The following RSF1 variants were observed in gnomAD, a reference collection of about 807,000 sequenced individuals.
The protein encoded by RSF1 is remodeling and spacing factor 1.
A neutral mutation model predicts 145.2 loss-of-function variants in RSF1; 13 were observed. The ratio of observed to expected loss-of-function variants is 0.09; its 90% CI spans 0.06 to 0.14. The LOEUF (loss-of-function observed/expected upper bound fraction) is 0.14, where lower values mean the gene tolerates loss of function less well. Among genes scored for constraint, RSF1 ranks in the 10% least tolerant of loss-of-function variants. The probability of loss-of-function intolerance (pLI) is 1.00; values close to 1 mark genes in which losing one functional copy is unlikely to be tolerated. For synonymous variants in RSF1, 577 were observed against 592.6 expected (o/e 0.97, Z 0.38); for missense variants, 1,517 against 1,718.2 (o/e 0.88, Z 2.07).
the RSF1 span, among the ~76,000 whole-genome samples, chr11:77,861,394 C>T: frequency 6.6e-6 from 1 of 152,166 alleles, no homozygotes; most frequent in African/African-American, 2.4e-5. Context: ...GACAGTTGTC[C>T]AGGACAGGAG....
chr11:77,728,866 T>TAAAA (rs550635070), intron 4 of RSF1, among the ~76,000 whole-genome samples: 380 of 144,046 alleles, frequency 2.6e-3, no homozygotes, highest in African/African-American at 8.7e-3. Flanking sequence ...GCATAACTTG[T>TAAAA]AAAAAAAAAA....
chr11:77,714,708 GGCGCATGCCTGTAGTTCCA>G (rs1425977574), intron 5 of RSF1, among the ~76,000 whole-genome samples: 2 of 152,186 alleles, frequency 1.3e-5, no homozygotes, highest in African/African-American at 4.8e-5. Context: ...TAAGCGCAGT[GGCGCATGCCTGTAGTTCCA>G]GCTACTCAAG....
chr11:77,817,265 A>G (rs1948790525), intron 1 of RSF1, among the ~76,000 whole-genome samples: 1 of 152,232 alleles, frequency 6.6e-6, no homozygotes, highest in Non-Finnish European at 1.5e-5. Flanking sequence ...ATTCTTAACC[A>G]TAATTACTTG....
chr11:77,724,041 G>C (rs1030931123), intron 5 of RSF1, among the ~76,000 whole-genome samples: 1 of 152,010 alleles, frequency 6.6e-6, no homozygotes, highest in African/African-American at 2.4e-5. Flanking sequence ...AGACTTAAGA[G>C]TTTTCAAAGC....
intron 5 of RSF1, among the ~76,000 whole-genome samples, chr11:77,722,047 G>A (rs905516643): frequency 1.3e-5 from 2 of 152,102 alleles, no homozygotes; most frequent in African/African-American, 4.8e-5. Context: ...AGGCATGGTG[G>A]CGCACACCTG....
intron 1 of RSF1, among the ~76,000 whole-genome samples, chr11:77,815,641 G>GA (rs931363287): frequency 3.4e-4 from 51 of 151,858 alleles, no homozygotes; most frequent in African/African-American, 7.0e-4. Context: ...AAATCTCAGA[G>GA]AAAAAAAACT....
At chr11:77,850,997 C>T in the RSF1 span, 1 of 140,616 alleles carries the variant, frequency 7.1e-6, no homozygotes, top group South Asian at 2.2e-4. Context: ...GCTCTGTGGC[C>T]CAGGCTGGAG....
At chr11:77,785,769 C>CA (rs1948448485) in intron 1 of RSF1, among the ~76,000 whole-genome samples, 1 of 143,160 alleles carries the variant, frequency 7.0e-6, no homozygotes, top group African/African-American at 2.6e-5. Context: ...AAAAAAAATA[C>CA]AAAAAAATTA....
At chr11:77,680,794 A>T (rs1291485984) in intron 11 of RSF1, among the ~76,000 whole-genome samples, 1 of 152,168 alleles carries the variant, frequency 6.6e-6, no homozygotes, top group Non-Finnish European at 1.5e-5. Context: ...TGCAGTGTGG[A>T]TTTGTCTTAA....
the RSF1 span, among the ~76,000 whole-genome samples, chr11:77,858,938 G>A: frequency 3.0e-4 from 46 of 152,326 alleles, no homozygotes; most frequent in Non-Finnish European, 5.4e-4. Flanking sequence ...GGCCTGCAGT[G>A]CAGGGGATTA....
intron 7 of RSF1, among the ~76,000 whole-genome samples, chr11:77,695,269 T>C (rs369548297): frequency 3.9e-5 from 6 of 152,106 alleles, no homozygotes; most frequent in African/African-American, 1.4e-4. Context: ...TCCTTAAAGT[T>C]CTGCTCACTA....
chr11:77,806,226 G>GA (rs777439215), intron 1 of RSF1, among the ~76,000 whole-genome samples: 3,491 of 140,234 alleles, frequency 0.025, 53 homozygotes, highest in Non-Finnish European at 0.039. Context: ...GGGGCTCTTA[G>GA]AAAAAAAAAA....
chr11:77,762,033 T>TCTTTTTC (rs543266605), intron 2 of RSF1: 1 of 119,452 alleles, frequency 8.4e-6, no homozygotes. Flanking sequence ...TTTTCTTTTT[T>TCTTTTTC]TTTTTTTTTT....
At chr11:77,782,337 T>C (rs565009227) in intron 1 of RSF1, among the ~76,000 whole-genome samples, 10 of 152,290 alleles carry the variant, frequency 6.6e-5, no homozygotes, top group Middle Eastern at 3.4e-3. Flanking sequence ...GGTCAGGAGC[T>C]GGAGACCAGC....
chr11:77,715,352 T>C (rs1001218533), intron 5 of RSF1, among the ~76,000 whole-genome samples: 6 of 152,200 alleles, frequency 3.9e-5, no homozygotes, highest in African/African-American at 9.7e-5. Context: ...TTTATTCCTA[T>C]AAAAGGAAAC....
chr11:77,793,759 C>T (rs558183965), intron 1 of RSF1, among the ~76,000 whole-genome samples: 93 of 152,088 alleles, frequency 6.1e-4, no homozygotes, highest in Non-Finnish European at 1.1e-3. Context: ...CATGTGCGTC[C>T]CTCCAGAAGC....
At chr11:77,758,115 G>T (rs995840760) in intron 2 of RSF1, among the ~76,000 whole-genome samples, 1 of 148,732 alleles carries the variant, frequency 6.7e-6, no homozygotes, top group East Asian at 2.0e-4. Context: ...TAGACTGGGC[G>T]ACAGAGGGAG....
chr11:77,688,605 C>G (rs1960070464), intron 9 of RSF1, among the ~76,000 whole-genome samples: 1 of 152,084 alleles, frequency 6.6e-6, no homozygotes. Flanking sequence ...TTCCAAATAT[C>G]TGAAACACAA....
Position 77,676,860 on chromosome 11 carries a change from T to C in RSF1, c.3273A>G (p.Leu1091=). The C allele has an allele frequency of 6.2e-7, 1 of 1,614,096 alleles. No homozygotes were observed. Among genetic ancestry groups the C allele is most frequent in the Non-Finnish European group, 8.5e-7 (1 of 1,179,992 alleles). ...AAARRKKRRR[L]NDLDSDSNLD... Reference sequence around the variant, plus strand: ...GGTTGCTATCACTGTCCAGATCATTTAATCGCCGGCGTTTCTTCCTTCGAG... The same window carrying C: ...GGTTGCTATCACTGTCCAGATCATTCAATCGCCGGCGTTTCTTCCTTCGAG... The change falls in exon 13 of 16, where the codon TTA becomes TTG. Residue 1091 remains leucine (L), a synonymous_variant. Coordinates refer to ENST00000308488, the MANE Select transcript of RSF1 (RefSeq NM_016578.4).
Sources: allele counts gnomAD v4.1 joint callset (sites outside exome capture counted in the v4.1 genomes callset), GRCh38; gene constraint gnomAD v4.1.1; transcripts MANE v1.5; gene names NCBI Gene and HGNC (gene_info 2026-07-23, HGNC 2026-07-21).